Variants in ZFP91 observed in about 807,000 individuals in gnomAD.
ZFP91 encodes the protein E3 ubiquitin-protein ligase ZFP91.
Under a neutral mutation model 63.5 loss-of-function variants are expected in ZFP91, and 7 were observed. The ratio of observed to expected loss-of-function variants is 0.11; its 90% CI spans 0.06 to 0.21. The LOEUF (loss-of-function observed/expected upper bound fraction) is 0.21, where lower values mean the gene tolerates loss of function less well. ZFP91 is among the 10% of genes least tolerant of loss of function. The pLI, the probability that ZFP91 is intolerant of heterozygous loss-of-function variation, is 1.00. For missense variants in ZFP91, 628 were observed against 736.6 expected (o/e 0.85, Z 1.71); for synonymous variants, 330 against 272.1 (o/e 1.21, Z -2.10).
intron 2 of ZFP91, among the ~76,000 whole-genome samples, chr11:58,601,506 A>G (rs1054251767): frequency 5.3e-5 from 8 of 152,096 alleles, no homozygotes; most frequent in Non-Finnish European, 8.8e-5. Flanking sequence ...TATCTTGTCA[A>G]AGAACCAACT....
chr11:58,613,099 G>A lies in ZFP91; in HGVS notation c.987+259G>A, dbSNP rs537957731. Reference sequence around the variant, plus strand: ...TCTGATTTTTCACAAAAATACATTTGCAACCTCCAGCATAAATGGGTTAAT... The same window carrying A: ...TCTGATTTTTCACAAAAATACATTTACAACCTCCAGCATAAATGGGTTAAT... On this transcript the variant is annotated intron_variant, in intron 8 of 10. Transcript: ENST00000316059. Among the ~76,000 whole-genome samples the A allele has an allele frequency of 4.6e-5, 7 of 152,212 alleles. No homozygotes were observed. The East Asian group carries it at 1.4e-3, about 29-fold the overall frequency.
At chr11:58,602,267 G>A (rs1855502788) in intron 2 of ZFP91, among the ~76,000 whole-genome samples, 1 of 152,084 alleles carries the variant, frequency 6.6e-6, no homozygotes, top group Non-Finnish European at 1.5e-5. Flanking sequence ...TGTCTAATAT[G>A]TCTAATTTTT....
At position 58,620,831 on chromosome 11, in the gene ZFP91, A is replaced by G. The variant is rs1485551831; in HGVS notation, c.*3125A>G. ...TCAATTTAAAATATTTTATTTCTTA[A>G]AAGCCTTTTTTGCCTGTTGTAATGT... On this transcript the variant is annotated 3_prime_UTR_variant, in exon 11 of 11. Transcript: ENST00000316059. 3 of 152,660 alleles carry G rather than the reference A, an allele frequency of 2.0e-5. No homozygotes were observed. The highest frequency in any genetic ancestry group is 4.4e-5 in the Non-Finnish European group (3 of 68,034). 9.5% of individuals were successfully genotyped at this position (152,660 alleles called of 1,614,324 possible). A position where few individuals can be genotyped will look rare whatever the true frequency, so the allele number is the denominator to read the frequency against.
At chr11:58,614,396 G>T in intron 9 of ZFP91, 53 bp downstream of exon 9, 1 of 1,296,968 alleles carries the variant, frequency 7.7e-7, no homozygotes. Context: ...CTTTAGTTTT[G>T]CATGTTGGTA....
intron 2 of ZFP91, among the ~76,000 whole-genome samples, chr11:58,607,910 T>C (rs1229747825): frequency 2.0e-5 from 3 of 152,074 alleles, no homozygotes; most frequent in South Asian, 2.1e-4. Flanking sequence ...TTTGCTATTA[T>C]AAACATAATA....
intron 2 of ZFP91, among the ~76,000 whole-genome samples, chr11:58,600,918 T>C (rs1312109087): frequency 2.0e-5 from 3 of 152,226 alleles, no homozygotes; most frequent in Non-Finnish European, 4.4e-5. Flanking sequence ...GATAATGGTG[T>C]GTTTTTTCCT....
intron 2 of ZFP91, among the ~76,000 whole-genome samples, chr11:58,608,582 G>A (rs1356205686): frequency 2.0e-5 from 3 of 151,950 alleles, no homozygotes; most frequent in African/African-American, 4.8e-5. Context: ...GTTCTGAGTG[G>A]ATTGAGCTTT....
intron 8 of ZFP91, among the ~76,000 whole-genome samples, chr11:58,613,278 C>A (rs1029194696): frequency 6.6e-6 from 1 of 152,110 alleles, no homozygotes; most frequent in South Asian, 2.1e-4. Context: ...CTGTGTCAGC[C>A]CATGGTGGAA....
In ZFP91 at chr11:58,618,732, T is replaced by C. The variant is rs1349357213; in HGVS notation, c.*1026T>C. The C allele has an allele frequency of 2.2e-6, 1 of 455,886 alleles. No individual in the cohort carries two copies. The highest frequency in any genetic ancestry group is 4.4e-6 in the Non-Finnish European group (1 of 226,740). 28.2% of individuals were successfully genotyped at this position (455,886 alleles called of 1,614,324 possible). ...AGCCTCTGAAATCATAGCTCTCCAG[T>C]GGCTTTTAAAGAAAGCTGGTCCTCA... On this transcript the variant is annotated 3_prime_UTR_variant, in exon 11 of 11. Transcript: ENST00000316059.
In ZFP91 at chr11:58,579,461, T is replaced by G; in HGVS notation, c.180T>G (p.Ala60=). 2 of 1,440,096 alleles carry G rather than the reference T, an allele frequency of 1.4e-6. No homozygotes were observed. The allele number at this position is 1,440,096 out of a possible 1,614,324, so 89.2% of individuals were successfully genotyped here. The change falls in exon 1 of 11, where the codon GCT becomes GCG. Residue 60 remains alanine, a synonymous_variant. Coordinates refer to ENST00000316059, the MANE Select transcript of ZFP91 (RefSeq NM_053023.5). ...GAGGTCGGGACCGAGGCCGGGCCGC[T>G]GCGGCCGCCGCCGCCGCAGCTGTGT... ...LRGGRDRGRA[A]AAAAAAAVSR...
chr11:58,605,608 C>A (rs1304885463), intron 2 of ZFP91, among the ~76,000 whole-genome samples: 1 of 151,872 alleles, frequency 6.6e-6, no homozygotes, highest in Non-Finnish European at 1.5e-5. Flanking sequence ...TGCCTTCTGA[C>A]TTCCATGGTT....
intron 2 of ZFP91, among the ~76,000 whole-genome samples, chr11:58,598,895 AGTT>A (rs1303836673): frequency 6.6e-6 from 1 of 151,980 alleles, no homozygotes; most frequent in Non-Finnish European, 1.5e-5. Flanking sequence ...ACTTCTATCT[AGTT>A]CCAAACATTT....
intron 1 of ZFP91, among the ~76,000 whole-genome samples, chr11:58,584,455 C>T (rs1394440882): frequency 6.6e-6 from 1 of 151,990 alleles, no homozygotes; most frequent in African/African-American, 2.4e-5. Context: ...CTAGTTAGTA[C>T]ATTTATATAA....
At chr11:58,585,029 G>A (rs914617977) in intron 2 of ZFP91, 145 bp downstream of exon 2, 8 of 607,882 alleles carry the variant, frequency 1.3e-5, no homozygotes, top group African/African-American at 9.8e-5. Flanking sequence ...ATATTTAGAC[G>A]ACAGCACGTT....
chr11:58,614,772 A>G (rs753479930), intron 9 of ZFP91, among the ~76,000 whole-genome samples: 3 of 152,182 alleles, frequency 2.0e-5, no homozygotes, highest in Non-Finnish European at 4.4e-5. Context: ...CTCTGCTGCT[A>G]TTGAAACTGT....
intron 2 of ZFP91, among the ~76,000 whole-genome samples, chr11:58,595,242 C>T (rs2134400993): frequency 6.6e-6 from 1 of 152,190 alleles, no homozygotes; most frequent in East Asian, 1.9e-4. Context: ...TATATATTAC[C>T]TAGCAGTTAA....
At chr11:58,611,356 C>T in intron 5 of ZFP91, 1 of 515,770 alleles carries the variant, frequency 1.9e-6, no homozygotes, top group Non-Finnish European at 3.3e-6. Context: ...TCTCGTTTCT[C>T]TTTACAATTA....
intron 2 of ZFP91, among the ~76,000 whole-genome samples, chr11:58,591,368 G>C (rs1428246510): frequency 6.6e-6 from 1 of 152,168 alleles, no homozygotes; most frequent in African/African-American, 2.4e-5. Context: ...ACTGTTGATG[G>C]ATGTTTGGGC....
chr11:58,608,617 T>G (rs901026422), intron 2 of ZFP91, among the ~76,000 whole-genome samples: 1 of 152,172 alleles, frequency 6.6e-6, no homozygotes, highest in Non-Finnish European at 1.5e-5. Context: ...TGTTTTTTCT[T>G]TTTTTGGAAT....
Sources: gnomAD v4.1 joint callset for allele counts (sites outside exome capture counted in the v4.1 genomes callset) on GRCh38, gnomAD v4.1.1 for gene constraint, MANE v1.5 for transcripts, NCBI Gene and HGNC (gene_info 2026-07-23, HGNC 2026-07-21) for gene names.